The following NPAS3 variants were observed in gnomAD, a reference collection of about 807,000 sequenced individuals.
The protein encoded by NPAS3 is neuronal PAS domain protein 3.
A neutral mutation model predicts 73.1 loss-of-function variants in NPAS3; 14 were observed. That is an observed-to-expected ratio of 0.19 (90% CI 0.13 to 0.30). The LOEUF is 0.30. Ranked by LOEUF, NPAS3 falls within the 10% of genes least tolerant of loss-of-function variation. The pLI is 1.00. For missense variants in NPAS3, 1,096 were observed against 1,250.0 expected, an observed-to-expected ratio of 0.88 and a Z score of 1.86; for synonymous variants, 620 against 541.5, an observed-to-expected ratio of 1.14 and a Z score of -2.01.
At chr14:33,148,389 G>A (rs1207823274) in intron 2 of NPAS3, among the ~76,000 whole-genome samples, 1 of 152,066 alleles carries the variant, frequency 6.6e-6, no homozygotes, top group Non-Finnish European at 1.5e-5. Context: ...TGTTGTATCA[G>A]TAATACCTTA....
chr14:33,204,382 G>A (rs916562023), intron 2 of NPAS3, among the ~76,000 whole-genome samples: 2 of 152,102 alleles, frequency 1.3e-5, no homozygotes, highest in Non-Finnish European at 2.9e-5. Flanking sequence ...GAATGAAAAA[G>A]CAAAGAATGA....
chr14:33,802,447 A>C (rs2063740462), downstream of NPAS3: 1 of 152,102 alleles, frequency 6.6e-6, no homozygotes, highest in African/African-American at 2.4e-5. Context: ...TTGTTGCCAG[A>C]AATCAGTGTG....
chr14:33,280,594 T>A (rs2041557646), intron 3 of NPAS3, among the ~76,000 whole-genome samples: 1 of 152,170 alleles, frequency 6.6e-6, no homozygotes, highest in Admixed American at 6.6e-5. Context: ...TGATGCCATG[T>A]TATGTGGATT....
chr14:33,350,166 C>G (rs1021490295), intron 3 of NPAS3, among the ~76,000 whole-genome samples: 1 of 152,048 alleles, frequency 6.6e-6, no homozygotes. Flanking sequence ...GGACAGGGTC[C>G]GTTAAGTTTG....
chr14:33,184,760 C>G (rs191318563), intron 2 of NPAS3, among the ~76,000 whole-genome samples: 3 of 151,992 alleles, frequency 2.0e-5, no homozygotes, highest in Non-Finnish European at 2.9e-5. Context: ...GGATGCTGCC[C>G]GGTGTTCTGA....
intron 2 of NPAS3, among the ~76,000 whole-genome samples, chr14:33,148,986 G>A (rs1226629502): frequency 2.0e-5 from 3 of 152,102 alleles, no homozygotes; most frequent in East Asian, 1.9e-4. Flanking sequence ...GCGAGCCACC[G>A]GGCCTGGCCT....
At chr14:33,085,621 A>C (rs1294898978) in intron 2 of NPAS3, among the ~76,000 whole-genome samples, 8 of 151,974 alleles carry the variant, frequency 5.3e-5, no homozygotes, top group Admixed American at 2.6e-4. Context: ...CCCCCAACAC[A>C]CTTTTTTTTT....
chr14:33,583,501 C>T (rs761821378), intron 5 of NPAS3: 1 of 151,960 alleles, frequency 6.6e-6, no homozygotes, highest in Non-Finnish European at 1.5e-5. Flanking sequence ...ATGTAATAAT[C>T]CCCTAAGAAT....
chr14:33,406,441 A>G (rs981642835), intron 4 of NPAS3, among the ~76,000 whole-genome samples: 1 of 152,102 alleles, frequency 6.6e-6, no homozygotes, highest in South Asian at 2.1e-4. Flanking sequence ...TCTGTTGGCC[A>G]TGGAGGGTCC....
chr14:33,569,852 G>T (rs1343844945), intron 5 of NPAS3, among the ~76,000 whole-genome samples: 1 of 152,116 alleles, frequency 6.6e-6, no homozygotes, highest in Admixed American at 6.5e-5. Flanking sequence ...TTATAAACAG[G>T]GGAGACGCAG....
At chr14:33,615,155 GGTTTGA>G (rs1208490681) in intron 5 of NPAS3, among the ~76,000 whole-genome samples, 13 of 152,140 alleles carry the variant, frequency 8.5e-5, no homozygotes, top group Non-Finnish European at 1.3e-4. Context: ...CCGCGGATTA[GGTTTGA>G]GTGGGGCAGT....
chr14:32,953,583 A>G (rs1162317735), intron 1 of NPAS3, among the ~76,000 whole-genome samples: 2 of 152,160 alleles, frequency 1.3e-5, no homozygotes, highest in Non-Finnish European at 2.9e-5. Flanking sequence ...ATCTATGTCA[A>G]GAATTGTGAA....
At chr14:33,558,464 T>C (rs1351772156) in intron 4 of NPAS3, among the ~76,000 whole-genome samples, 1 of 152,142 alleles carries the variant, frequency 6.6e-6, no homozygotes, top group African/African-American at 2.4e-5. Context: ...TCCACCATGT[T>C]GGCCATGCTG....
At chr14:33,605,645 C>T (rs1291973699) in intron 5 of NPAS3, among the ~76,000 whole-genome samples, 2 of 152,222 alleles carry the variant, frequency 1.3e-5, no homozygotes, top group Middle Eastern at 3.4e-3. Flanking sequence ...TTCTTAAGTA[C>T]TTCAACACTT....
At chr14:33,749,370 C>T (rs1015378013) in intron 7 of NPAS3, among the ~76,000 whole-genome samples, 8 of 152,090 alleles carry the variant, frequency 5.3e-5, no homozygotes, top group South Asian at 2.1e-4. Flanking sequence ...AATGGGTGTA[C>T]GTTTCCAGTT....
intron 1 of NPAS3, among the ~76,000 whole-genome samples, chr14:32,963,679 G>A (rs1202809542): frequency 6.6e-6 from 1 of 152,042 alleles, no homozygotes; most frequent in Non-Finnish European, 1.5e-5. Flanking sequence ...GACAGAATTG[G>A]ACTCCCCATT....
At chr14:33,304,022 C>T (rs113453066) in intron 3 of NPAS3, among the ~76,000 whole-genome samples, 4 of 152,350 alleles carry the variant, frequency 2.6e-5, no homozygotes, top group African/African-American at 9.6e-5. Flanking sequence ...ATTCTCCTGC[C>T]TCAGCCTCCC....
intron 6 of NPAS3, among the ~76,000 whole-genome samples, chr14:33,690,017 C>T (rs974787762): frequency 1.3e-5 from 2 of 152,178 alleles, no homozygotes; most frequent in Non-Finnish European, 2.9e-5. Flanking sequence ...ATATGACGTG[C>T]TTGACCGATA....
intron 6 of NPAS3, among the ~76,000 whole-genome samples, chr14:33,724,794 C>T (rs2061217630): frequency 6.6e-6 from 1 of 151,470 alleles, no homozygotes; most frequent in Non-Finnish European, 1.5e-5. Context: ...ATATGAACAC[C>T]ATTAAATATT....
Sources: allele counts gnomAD v4.1 joint callset (sites outside exome capture counted in the v4.1 genomes callset), GRCh38; gene constraint gnomAD v4.1.1; transcripts MANE v1.5; gene names NCBI Gene and HGNC (gene_info 2026-07-23, HGNC 2026-07-21).